STT3B: variants seen among roughly 807,000 people sequenced by gnomAD.
STT3B encodes the protein STT3 oligosaccharyltransferase complex catalytic subunit B.
A neutral mutation model predicts 96.8 loss-of-function variants in STT3B; 29 were observed. The ratio of observed to expected loss-of-function variants is 0.30; its 90% CI spans 0.22 to 0.41. STT3B has a LOEUF of 0.41. Among genes scored for constraint, STT3B ranks in the 10% least tolerant of loss-of-function variants. STT3B has a pLI of 1.00. For synonymous variants in STT3B, 367 were observed against 360.0 expected, an observed-to-expected ratio of 1.02 and a Z score of -0.22; for missense variants, 640 against 1,022.3, an observed-to-expected ratio of 0.63 and a Z score of 5.10.
intron 1 of STT3B, chr3:31,533,556 T>G: frequency 2.7e-6 from 1 of 366,278 alleles, no homozygotes; most frequent in Non-Finnish European, 4.5e-6. Flanking sequence ...TCGGCCGGGC[T>G]AGTGTGAAGA....
chr3:31,585,471 G>A (rs1371720339), intron 3 of STT3B, among the ~76,000 whole-genome samples: 5 of 152,146 alleles, frequency 3.3e-5, no homozygotes, highest in South Asian at 2.1e-4. Flanking sequence ...TATTATTTAC[G>A]AGCACCAGAG....
intron 3 of STT3B, among the ~76,000 whole-genome samples, chr3:31,582,711 A>G (rs983863829): frequency 2.6e-5 from 4 of 151,360 alleles, no homozygotes; most frequent in African/African-American, 9.7e-5. Context: ...CCTTAGTACT[A>G]CTTTGACGGT....
chr3:31,588,517 T>C (rs558461386), intron 3 of STT3B, among the ~76,000 whole-genome samples: 9 of 152,178 alleles, frequency 5.9e-5, no homozygotes, highest in Admixed American at 3.9e-4. Flanking sequence ...ATTTGCTCAG[T>C]ATAGAGGAAG....
intron 5 of STT3B, among the ~76,000 whole-genome samples, chr3:31,614,515 T>C (rs1309098997): frequency 6.6e-6 from 1 of 151,982 alleles, no homozygotes; most frequent in Non-Finnish European, 1.5e-5. Flanking sequence ...TATTAGATGC[T>C]AAATTCAGTA....
intron 1 of STT3B, among the ~76,000 whole-genome samples, chr3:31,534,992 T>G (rs1222902965): frequency 6.6e-6 from 1 of 152,180 alleles, no homozygotes; most frequent in Non-Finnish European, 1.5e-5. Flanking sequence ...AAATGAAAAC[T>G]AGTATTTACT....
chr3:31,554,782 C>T (rs951122749), intron 1 of STT3B, among the ~76,000 whole-genome samples: 2 of 152,088 alleles, frequency 1.3e-5, no homozygotes, highest in African/African-American at 4.8e-5. Flanking sequence ...AGATTAAAAA[C>T]CCTGCCTTTA....
intron 1 of STT3B, among the ~76,000 whole-genome samples, chr3:31,534,290 C>CAA (rs1697028487): frequency 6.6e-6 from 1 of 152,178 alleles, no homozygotes; most frequent in East Asian, 1.9e-4. Context: ...GAAATTACCC[C>CAA]ACTCTTAACA....
intron 3 of STT3B, among the ~76,000 whole-genome samples, chr3:31,585,792 A>G (rs1162153226): frequency 6.6e-6 from 1 of 152,168 alleles, no homozygotes; most frequent in East Asian, 1.9e-4. Flanking sequence ...TGAGAATGTC[A>G]TCCATGTTGT....
chr3:31,576,842 A>G (rs1698275755), intron 2 of STT3B, among the ~76,000 whole-genome samples: 1 of 152,136 alleles, frequency 6.6e-6, no homozygotes, highest in African/African-American at 2.4e-5. Flanking sequence ...TTGGAAGGAG[A>G]TAGAAACGTA....
chr3:31,571,593 A>G (rs1698138599), intron 1 of STT3B, among the ~76,000 whole-genome samples: 1 of 152,068 alleles, frequency 6.6e-6, no homozygotes, highest in Non-Finnish European at 1.5e-5. Context: ...CAACACATAG[A>G]TTGTCTGTTA....
At chr3:31,622,068 A>C in intron 9 of STT3B, 29 bp from the exon 10 acceptor site, 1 of 1,596,120 alleles carries the variant, frequency 6.3e-7, no homozygotes, top group Non-Finnish European at 8.6e-7. Flanking sequence ...TTTCCCTCCA[A>C]CATATTGTAA....
intron 1 of STT3B, among the ~76,000 whole-genome samples, chr3:31,550,765 T>C (rs75009131): frequency 0.044 from 6,642 of 152,218 alleles, 377 homozygotes; most frequent in East Asian, 0.32. Context: ...TGAGATTGAA[T>C]TTAGGCTGTT....
At position 31,636,250 on chromosome 3, in the gene STT3B, G is replaced by A. The variant is rs144292810; in HGVS notation, c.*186G>A. The A allele has an allele frequency of 8.7e-3, 3,924 of 449,256 alleles. 21 individuals are homozygous for A. The highest frequency in any genetic ancestry group is 0.011 in the Non-Finnish European group (2,647 of 246,538). 27.8% of individuals were successfully genotyped at this position (449,256 alleles called of 1,614,324 possible). ...TGGCTTGTTGAGAACAGCTGTTTTCGATTTCTAATGTGAAGCAAGACAGAG... is the reference window on the plus strand; with the variant it reads ...TGGCTTGTTGAGAACAGCTGTTTTCAATTTCTAATGTGAAGCAAGACAGAG... On this transcript the variant is annotated 3_prime_UTR_variant, in exon 16 of 16. Coordinates refer to ENST00000295770, the MANE Select transcript of STT3B (RefSeq NM_178862.3).
At chr3:31,632,590 A>C (rs1238177822) in intron 14 of STT3B, among the ~76,000 whole-genome samples, 1 of 152,070 alleles carries the variant, frequency 6.6e-6, no homozygotes, top group African/African-American at 2.4e-5. Context: ...CCTGAAACAG[A>C]AAAGAAGCCC....
chr3:31,623,652 C>A, intron 10 of STT3B, 22 bp from the exon 11 acceptor site: 2 of 1,556,092 alleles, frequency 1.3e-6, no homozygotes, highest in South Asian at 2.4e-5. Flanking sequence ...ATTTGTCTAA[C>A]CAATTTTTTT....
At chr3:31,538,252 A>G (rs1428826613) in intron 1 of STT3B, among the ~76,000 whole-genome samples, 1 of 152,156 alleles carries the variant, frequency 6.6e-6, no homozygotes, top group Non-Finnish European at 1.5e-5. Context: ...TTGTTCCCCA[A>G]CACCATGATA....
chr3:31,574,680 T>A (rs1210823755), intron 1 of STT3B, among the ~76,000 whole-genome samples: 4 of 152,180 alleles, frequency 2.6e-5, no homozygotes, highest in Admixed American at 6.5e-5. Flanking sequence ...TTACTTAAAA[T>A]TCTGATTTTA....
intron 14 of STT3B, 115 bp downstream of exon 14, chr3:31,629,526 T>C: frequency 1.9e-6 from 1 of 524,790 alleles, no homozygotes; most frequent in East Asian, 3.4e-5. Flanking sequence ...AGAAATGTGC[T>C]TATCTAAATA....
intron 15 of STT3B, among the ~76,000 whole-genome samples, chr3:31,634,238 G>C (rs769037797): frequency 3.9e-5 from 6 of 152,244 alleles, no homozygotes; most frequent in Non-Finnish European, 5.9e-5. Context: ...GCATGAGGTA[G>C]GAGAAACTGG....
Sources: allele counts gnomAD v4.1 joint callset (sites outside exome capture counted in the v4.1 genomes callset), GRCh38; gene constraint gnomAD v4.1.1; transcripts MANE v1.5; gene names NCBI Gene and HGNC (gene_info 2026-07-23, HGNC 2026-07-21).